The following FUCA1 variants were observed in gnomAD, a reference collection of about 807,000 sequenced individuals.
FUCA1 encodes tissue alpha-L-fucosidase.
FUCA1 carries 52 observed loss-of-function variants against 56.8 expected under a neutral mutation model. The observed-to-expected ratio is 0.92, with a 90% confidence interval of 0.73 to 1.15. The LOEUF (loss-of-function observed/expected upper bound fraction) is 1.15, where lower values mean the gene tolerates loss of function less well. FUCA1 is among the 50% of genes most tolerant of loss of function. FUCA1 has a pLI of 0.00. For missense variants in FUCA1, 568 were observed against 592.6 expected (o/e 0.96, Z 0.43); for synonymous variants, 230 against 226.6 (o/e 1.02, Z -0.14).
intron 5 of FUCA1, among the ~76,000 whole-genome samples, chr1:23,850,608 T>A (rs904427873): frequency 6.6e-6 from 1 of 151,964 alleles, no homozygotes; most frequent in Non-Finnish European, 1.5e-5. Context: ...CTCAGCCTCC[T>A]GAGTAGCTGG....
chr1:23,860,016 G>T, intron 3 of FUCA1, 113 bp from the exon 4 acceptor site: 2 of 711,786 alleles, frequency 2.8e-6, no homozygotes, highest in Non-Finnish European at 2.6e-6. Flanking sequence ...CTAAGCTTGA[G>T]TCCAGCAGCT....
rs768809793 is a variant in FUCA1 at position 23,859,830 on chromosome 1, G to C, written c.736C>G (p.Leu246Val). ...GGGCTGTCATTGTAGAGCCATGAAA[G>C]AAAATTTGTGGAGTTCCAGTAAGTA... ...PDTYWNSTNFLSWLYNDSPVK... is the reference protein window; with the variant it reads ...PDTYWNSTNFVSWLYNDSPVK... The change falls in exon 4 of 8, where the codon CTT becomes GTT. Residue 246 changes from leucine to valine, a missense_variant. Transcript: ENST00000374479. 6.2e-7 allele frequency: 1 copy of C among 1,612,750 alleles called. No homozygotes were observed. Among genetic ancestry groups the C allele is most frequent in the Non-Finnish European group, 8.5e-7 (1 of 1,178,794 alleles).
At chr1:23,865,367 G>T in intron 2 of FUCA1, 124 bp downstream of exon 2, 1 of 1,272,800 alleles carries the variant, frequency 7.9e-7, no homozygotes, top group South Asian at 1.2e-5. Context: ...GGAGTAGAAG[G>T]CCAAAAGCCC....
chr1:23,868,116 C>A lies in FUCA1; in HGVS notation c.171G>T (p.Lys57Asn). 2.5e-6 allele frequency: 4 copies of A among 1,611,880 alleles called. No individual in the cohort carries two copies. Among genetic ancestry groups the A allele is most frequent in the South Asian group, 1.1e-5 (1 of 90,920 alleles). The change falls in exon 1 of 8, where the codon AAG becomes AAT. Residue 57 changes from lysine (K) to asparagine (N), a missense_variant. Transcript: ENST00000374479. ...RPLPAWFDEAKFGVFIHWGVF... is the reference protein window; with the variant it reads ...RPLPAWFDEANFGVFIHWGVF... Reference sequence around the variant, plus strand: ...CGCCCCAGTGGATGAACACCCCGAACTTGGCTTCGTCGAACCAGGCCGGCA... The same window carrying A: ...CGCCCCAGTGGATGAACACCCCGAAATTGGCTTCGTCGAACCAGGCCGGCA...
chr1:23,848,659 T>C lies in FUCA1; in HGVS notation c.1150A>G (p.Thr384Ala). The C allele has an allele frequency of 6.2e-7, 1 of 1,614,148 alleles. No individual in the cohort carries two copies. The highest frequency in any genetic ancestry group is 1.7e-5 in the Admixed American group (1 of 60,024). ...PWRVQWEKNT[T>A]SVWYTSKGSA... ...GAAGACAAGACTCACCATACAGATGTTGTGTTCTTTTCCCATTGCACCCGC... is the reference window on the plus strand; with the variant it reads ...GAAGACAAGACTCACCATACAGATGCTGTGTTCTTTTCCCATTGCACCCGC... The change falls in exon 6 of 8, where the codon ACA becomes GCA. Residue 384 changes from threonine (T) to alanine (A), a missense_variant. By Grantham distance (58) the Thr-to-Ala change is moderately conservative (BLOSUM62 0). Transcript: ENST00000374479.
chr1:23,851,310 A>G (rs72874118), intron 5 of FUCA1, among the ~76,000 whole-genome samples: 57,003 of 151,668 alleles, frequency 0.38, 11,057 homozygotes, highest in East Asian at 0.48. Context: ...GTTGCAGCAG[A>G]CCGAGATCGC....
At chr1:23,849,688 T>TTC (rs1639217800) in intron 5 of FUCA1, among the ~76,000 whole-genome samples, 2 of 149,792 alleles carry the variant, frequency 1.3e-5, no homozygotes, top group South Asian at 4.3e-4. Context: ...GTTCAAGTGA[T>TTC]TCTCCTGCCT....
intron 5 of FUCA1, among the ~76,000 whole-genome samples, chr1:23,850,776 G>A (rs1280169593): frequency 1.3e-5 from 2 of 152,024 alleles, no homozygotes; most frequent in East Asian, 1.9e-4. Context: ...GTCAGCCACC[G>A]TGCCTGGCCA....
At position 23,868,043 on chromosome 1, in the gene FUCA1, G is replaced by A. The variant is rs80358196; in HGVS notation, c.244C>T (p.Gln82Ter). 3.7e-6 allele frequency: 6 copies of A among 1,610,920 alleles called. No individual in the cohort carries two copies. Among genetic ancestry groups the A allele is most frequent in the South Asian group, 1.1e-5 (1 of 90,768 alleles). The change falls in exon 1 of 8, where the codon CAG becomes TAG. Residue 82 changes from glutamine to a stop codon, truncating the protein, a stop_gained. Transcript: ENST00000374479. LOFTEE classifies it high-confidence loss of function. ...TGGTACTGCGGCCGCCCCTCGCCCT[G>A]CCAGTGCCACCAGAACCACTCGCTG... ...WGSEWFWWHW[Q>*]GEGRPQYQRF...
At position 23,845,483 on chromosome 1, in the gene FUCA1, T is replaced by C. The variant is rs773852091; in HGVS notation, c.*232A>G. The C allele has an allele frequency of 1.7e-6, 1 of 577,450 alleles. No individual in the cohort carries two copies. Among genetic ancestry groups the C allele is most frequent in the Non-Finnish European group, 3.1e-6 (1 of 323,736 alleles). The allele number at this position is 577,450 out of a possible 1,614,324, so 35.8% of individuals were successfully genotyped here. A position where few individuals can be genotyped will look rare whatever the true frequency, so the allele number is the denominator to read the frequency against. On this transcript the variant is annotated 3_prime_UTR_variant, in exon 8 of 8. Transcript: ENST00000374479. Reference sequence around the variant, plus strand: ...ACAATTGATGAACTCAGAGTTCAACTGCTCAGTTCCTTCTTCTGCTGACCT... The same window carrying C: ...ACAATTGATGAACTCAGAGTTCAACCGCTCAGTTCCTTCTTCTGCTGACCT...
rs752415554 is a variant in FUCA1, at chr1:23,868,290, T to C, written c.-4A>G. The C allele has an allele frequency of 6.5e-7, 1 of 1,544,996 alleles. No individual in the cohort carries two copies. On this transcript the variant is annotated 5_prime_UTR_variant, in exon 1 of 8. Transcript: ENST00000374479. ...ACCTCATCCCCGGAGCCCGCATCGC[T>C]ACCCCTCAGCGACGCGGCCCACTCT...
intron 6 of FUCA1, among the ~76,000 whole-genome samples, chr1:23,848,041 T>A (rs993997289): frequency 2.6e-5 from 4 of 151,638 alleles, no homozygotes; most frequent in African/African-American, 7.3e-5. Context: ...TAAAATAAAA[T>A]AAAAATCCAG....
chr1:23,859,861 ACATTC>A lies in FUCA1; in HGVS notation c.700_704del (p.Glu234SerfsTer2), dbSNP rs773531124. ...TTGTGGAGTTCCAGTAAGTATCAGG[ACATTC>A]CCACTCCCCATCAGACCAGATCAGA... On this transcript the variant is annotated frameshift_variant, in exon 4 of 8. Coordinates refer to ENST00000374479, the MANE Select transcript of FUCA1 (RefSeq NM_000147.5). LOFTEE classifies it high-confidence loss of function. 6.2e-7 allele frequency: 1 copy of A among 1,613,610 alleles called. No individual in the cohort carries two copies. The highest frequency in any genetic ancestry group is 2.2e-5 in the East Asian group (1 of 44,866).
chr1:23,862,211 C>T (rs1252730702), intron 3 of FUCA1, among the ~76,000 whole-genome samples: 1 of 152,154 alleles, frequency 6.6e-6, no homozygotes, highest in Non-Finnish European at 1.5e-5. Context: ...CTCTGTAGCC[C>T]AGGCTGAAGT....
At chr1:23,853,632 G>A (rs2148442249) in intron 5 of FUCA1, among the ~76,000 whole-genome samples, 1 of 151,494 alleles carries the variant, frequency 6.6e-6, no homozygotes, top group South Asian at 2.1e-4. Context: ...GGGGGGAAAG[G>A]CGGGGAAAGG....
intron 5 of FUCA1, among the ~76,000 whole-genome samples, chr1:23,853,173 G>C (rs1444970776): frequency 6.7e-6 from 1 of 149,210 alleles, no homozygotes; most frequent in Non-Finnish European, 1.5e-5. Context: ...CCGCGACCCC[G>C]TCTGGGAGGT....
intron 4 of FUCA1, 116 bp from the exon 5 acceptor site, chr1:23,854,676 T>C: frequency 1.1e-6 from 1 of 874,848 alleles, no homozygotes; most frequent in Non-Finnish European, 1.9e-6. Flanking sequence ...GCAGTGGCTG[T>C]CAACTGGGGG....
chr1:23,863,224 G>T lies in FUCA1; in HGVS notation c.572C>A (p.Pro191Gln). Residue 191 changes from proline to glutamine, a missense_variant, in exon 3 of 8, where the codon CCA becomes CAA. Coordinates refer to ENST00000374479, the MANE Select transcript of FUCA1 (RefSeq NM_000147.5). The part of the protein sequence containing the change: ...LYHSLLEWFH[P>Q]LYLLDKKNGF... ...ATTTTTCTTATCAAGTAGATAGAGT[G>T]GATGGAACCACTCTAAGAGTGAGTG... The T allele has an allele frequency of 1.2e-6, 2 of 1,613,668 alleles. No homozygotes were observed. Among genetic ancestry groups the T allele is most frequent in the Non-Finnish European group, 1.7e-6 (2 of 1,179,818 alleles).
Position 23,845,756 on chromosome 1 carries a change from C to T in FUCA1, c.1360G>A (p.Ala454Thr), listed in dbSNP as rs377360830. 37 of 1,614,006 alleles carry T rather than the reference C, an allele frequency of 2.3e-5. No individual in the cohort carries two copies. The highest frequency in any genetic ancestry group is 1.6e-4 in the Middle Eastern group (1 of 6,084). Residue 454 changes from alanine (A) to threonine (T), a missense_variant, in exon 8 of 8, where the codon GCA becomes ACA. By Grantham distance (58) the Ala-to-Thr change is moderately conservative (BLOSUM62 0). Coordinates refer to ENST00000374479, the MANE Select transcript of FUCA1 (RefSeq NM_000147.5). ...AGCTTTATAGTCCAAGCAAACTCTG[C>T]GGGGACAGCAGAGGGTGGCAACTGG... ...LPQLPPSAVP[A>T]EFAWTIKLTG... is the part of the protein sequence containing the mutation.
Sources: allele counts gnomAD v4.1 joint callset (sites outside exome capture counted in the v4.1 genomes callset), GRCh38; gene constraint gnomAD v4.1.1; transcripts MANE v1.5; gene names NCBI Gene and HGNC (gene_info 2026-07-23, HGNC 2026-07-21).